The following COG8 variants were observed in gnomAD, a reference collection of about 807,000 sequenced individuals.
The protein encoded by COG8 is conserved oligomeric Golgi complex subunit 8.
Under a neutral mutation model 46.5 loss-of-function variants are expected in COG8, and 45 were observed. The observed-to-expected ratio is 0.97, with a 90% CI of 0.76 to 1.24. The LOEUF (loss-of-function observed/expected upper bound fraction) is 1.24. Among genes scored for constraint, COG8 ranks in the 50% most tolerant of loss-of-function variants. COG8 has a pLI of 0.00. For missense variants in COG8, 793 were observed against 820.8 expected, an observed-to-expected ratio of 0.97 and a Z score of 0.41; for synonymous variants, 407 against 347.8, an observed-to-expected ratio of 1.17 and a Z score of -1.90.
chr16:69,329,663 G>A (rs941765503), intron 5 of COG8, among the ~76,000 whole-genome samples: 1 of 152,262 alleles, frequency 6.6e-6, no homozygotes, highest in Non-Finnish European at 1.5e-5. Flanking sequence ...GGTCAGGCTG[G>A]CGGGGGCTAA....
Position 69,334,615 on chromosome 16 carries a change from T to C in COG8, c.1319A>G (p.Asn440Ser), listed in dbSNP as rs763537807. 2.2e-5 allele frequency: 36 copies of C among 1,614,026 alleles called. No homozygotes were observed. Among genetic ancestry groups the C allele is most frequent in the Non-Finnish European group, 3.1e-5 (36 of 1,180,032 alleles). The change falls in exon 3 of 6, where the codon AAC (asparagine) becomes AGC (serine). Residue 440 changes from asparagine to serine, a missense_variant. By Grantham distance (46) the Asn-to-Ser change is conservative (BLOSUM62 1). Transcript: ENST00000306875. The stretch of plus-strand genomic sequence containing the variant: ...ATCATTGAAGGCAACCAGAATATTG[T>C]TGAGAAAGCAGGCGAGGGGTGGGAA... ...LDFPPLACFL[N>S]NILVAFNDLR... is the part of the protein sequence containing the mutation.
chr16:69,334,273 G>T (rs570012811), intron 3 of COG8, among the ~76,000 whole-genome samples: 1 of 152,324 alleles, frequency 6.6e-6, no homozygotes, highest in East Asian at 1.9e-4. Context: ...GTGGAAATTT[G>T]TTATGCAGCA....
chr16:69,335,469 C>A, intron 2 of COG8, 121 bp from the exon 3 acceptor site: 1 of 864,218 alleles, frequency 1.2e-6, no homozygotes, highest in Non-Finnish European at 1.9e-6. Context: ...GAAGTAATTT[C>A]CTAAAGCTGA....
rs771765960 is a variant in COG8 at position 69,334,995 on chromosome 16, G to A, written c.939C>T (p.Ala313=). 3.1e-6 allele frequency: 5 copies of A among 1,614,076 alleles called. No individual in the cohort carries two copies. The highest frequency in any genetic ancestry group is 2.2e-5 in the East Asian group (1 of 44,896). ...AMGEHTVNES[A]IFHGWVLQKV... Reference sequence around the variant, plus strand: ...TCTGTAGCACCCAGCCATGGAAGATGGCACTCTCATTCACAGTGTGCTCAC... The same window carrying A: ...TCTGTAGCACCCAGCCATGGAAGATAGCACTCTCATTCACAGTGTGCTCAC... Residue 313 remains alanine, a synonymous_variant, in exon 3 of 6, where the codon GCC becomes GCT. Coordinates refer to ENST00000306875, the MANE Select transcript of COG8 (RefSeq NM_032382.5).
At chr16:69,333,874 T>A (rs1164992159) in intron 3 of COG8, among the ~76,000 whole-genome samples, 1 of 152,160 alleles carries the variant, frequency 6.6e-6, no homozygotes, top group African/African-American at 2.4e-5. Context: ...ATGCTAAAGG[T>A]AAAGGGTTTT....
chr16:69,333,943 G>A (rs1026232528), intron 3 of COG8, among the ~76,000 whole-genome samples: 1 of 152,194 alleles, frequency 6.6e-6, no homozygotes, highest in African/African-American at 2.4e-5. Flanking sequence ...TTTAAAAGGA[G>A]GTACCTAAAA....
rs1191485356 is a variant in COG8, at chr16:69,331,032, T to C, written c.1646A>G (p.Gln549Arg). Residue 549 changes from glutamine to arginine, a missense_variant, in exon 5 of 6, where the codon CAG (glutamine) becomes CGG (arginine). Gln to Arg is a conservative substitution (Grantham distance 43). Transcript: ENST00000306875. ...TGGCAGGATAAAGGCGAGGGGCTCC[T>C]GAATGGCGCCGATGTTCACATGCCC... ...NLGHVNIGAI[Q>R]EPLAFILPKR... 1 of 1,613,640 alleles carries C rather than the reference T, an allele frequency of 6.2e-7. No individual in the cohort carries two copies. Among genetic ancestry groups the C allele is most frequent in the Admixed American group, 1.7e-5 (1 of 59,944 alleles).
Position 69,339,458 on chromosome 16 carries a change from C to T in COG8, c.95G>A (p.Arg32Gln). The change falls in exon 1 of 6, where the codon CGG (arginine) becomes CAG (glutamine). Residue 32 changes from arginine (R) to glutamine (Q), a missense_variant. Arg to Gln is a conservative substitution (Grantham distance 43). Transcript: ENST00000306875. ...EDEGLLASLF[R>Q]DRFPEAQWRE... The stretch of plus-strand genomic sequence containing the variant: ...CCACTGGGCCTCGGGGAAGCGGTCC[C>T]GGAACAGCGACGCCAGGAGCCCTTC... 4 of 1,597,856 alleles carry T rather than the reference C, an allele frequency of 2.5e-6. No homozygotes were observed. The highest frequency in any genetic ancestry group is 3.4e-6 in the Non-Finnish European group (4 of 1,177,442).
At chr16:69,329,276 A>T in intron 5 of COG8, 97 bp from the exon 6 acceptor site, 3 of 1,283,288 alleles carry the variant, frequency 2.3e-6, no homozygotes, top group Non-Finnish European at 3.1e-6. Context: ...GTTCCCATTG[A>T]CAAGAGGCAA....
At chr16:69,333,786 T>G (rs1055833689) in intron 3 of COG8, among the ~76,000 whole-genome samples, 2 of 152,184 alleles carry the variant, frequency 1.3e-5, no homozygotes, top group Non-Finnish European at 2.9e-5. Context: ...TCCAGGAGTT[T>G]GAGACCAGCC....
Position 69,328,800 on chromosome 16 carries a change from G to T in COG8, c.*406C>A. On this transcript the variant is annotated 3_prime_UTR_variant, in exon 6 of 6. Coordinates refer to ENST00000306875, the MANE Select transcript of COG8 (RefSeq NM_032382.5). Reference sequence around the variant, plus strand: ...TTGTTAGGAAATGTCCACTCCTTTGGGGGTGATTTTTCTCCTCAAGTTGTA... The same window carrying T: ...TTGTTAGGAAATGTCCACTCCTTTGTGGGTGATTTTTCTCCTCAAGTTGTA... 3.5e-6 allele frequency: 2 copies of T among 568,758 alleles called. No individual in the cohort carries two copies. Among genetic ancestry groups the T allele is most frequent in the East Asian group, 3.3e-5 (1 of 29,956 alleles). The allele number at this position is 568,758 out of a possible 1,614,324, so 35.2% of individuals were successfully genotyped here.
chr16:69,334,985 C>T lies in COG8; in HGVS notation c.949G>A (p.Gly317Ser), dbSNP rs778681318. ...HTVNESAIFHGWVLQKVSQFL... is the reference protein window; with the variant it reads ...HTVNESAIFHSWVLQKVSQFL... The stretch of plus-strand genomic sequence containing the variant: ...TGTGAGACCTTCTGTAGCACCCAGC[C>T]ATGGAAGATGGCACTCTCATTCACA... Residue 317 changes from glycine (G) to serine (S), a missense_variant, in exon 3 of 6, where the codon GGC (glycine) becomes AGC (serine). Coordinates refer to ENST00000306875, the MANE Select transcript of COG8 (RefSeq NM_032382.5). The T allele has an allele frequency of 4.3e-6, 7 of 1,614,170 alleles. No individual in the cohort carries two copies. Among genetic ancestry groups the T allele is most frequent in the South Asian group, 2.2e-5 (2 of 91,080 alleles).
chr16:69,337,734 C>CT (rs879881954), intron 1 of COG8, among the ~76,000 whole-genome samples: 38,187 of 142,590 alleles, frequency 0.27, 5,317 homozygotes, highest in African/African-American at 0.34. Flanking sequence ...TCACAAAGGA[C>CT]TTTTTTTTTT....
chr16:69,329,840 G>C (rs959566620), intron 5 of COG8, among the ~76,000 whole-genome samples: 4 of 152,364 alleles, frequency 2.6e-5, no homozygotes, highest in African/African-American at 9.6e-5. Context: ...TACCCCACAG[G>C]AGCTTCTATC....
At chr16:69,335,652 C>T (rs1389508981) in intron 2 of COG8, among the ~76,000 whole-genome samples, 1 of 151,914 alleles carries the variant, frequency 6.6e-6, no homozygotes, top group Non-Finnish European at 1.5e-5. Context: ...CTCGTCTCTA[C>T]TAAAAATATA....
chr16:69,330,954 G>C lies in COG8; in HGVS notation c.1724C>G (p.Thr575Arg), dbSNP rs201914539. ...LDDQALGPEL[T>R]APAPEPPAEE... ...GGCGGGAGGCTCTGGTGCTGGAGCT[G>C]TGAGCTCGGGCCCCAGCGCCTGGTC... The change falls in exon 5 of 6, where the codon ACA becomes AGA. Residue 575 changes from threonine (T) to arginine (R), a missense_variant. Coordinates refer to ENST00000306875, the MANE Select transcript of COG8 (RefSeq NM_032382.5). 2.5e-6 allele frequency: 4 copies of C among 1,575,086 alleles called. No individual in the cohort carries two copies. The South Asian group carries it at 3.5e-5, about 14-fold the overall frequency.
At position 69,330,949 on chromosome 16, in the gene COG8, G is replaced by C. The variant is rs765705472; in HGVS notation, c.1729C>G (p.Pro577Ala). 3.7e-5 allele frequency: 58 copies of C among 1,569,450 alleles called. No individual in the cohort carries two copies. The highest frequency in any genetic ancestry group is 4.8e-5 in the Non-Finnish European group (56 of 1,157,932). The change falls in exon 5 of 6, where the codon CCA (proline) becomes GCA (alanine). Residue 577 changes from proline to alanine, a missense_variant. Physicochemically the swap from Pro to Ala is conservative, Grantham distance 27. Transcript: ENST00000306875. Reference sequence around the variant, plus strand: ...TCCTCGGCGGGAGGCTCTGGTGCTGGAGCTGTGAGCTCGGGCCCCAGCGCC... The same window carrying C: ...TCCTCGGCGGGAGGCTCTGGTGCTGCAGCTGTGAGCTCGGGCCCCAGCGCC... ...DQALGPELTAPAPEPPAEEPR... is the reference protein window; with the variant it reads ...DQALGPELTAAAPEPPAEEPR...
In COG8 at chr16:69,328,862, A is replaced by C. The variant is rs1441912339; in HGVS notation, c.*344T>G. 1 of 967,920 alleles carries C rather than the reference A, an allele frequency of 1.0e-6. No individual in the cohort carries two copies. Among genetic ancestry groups the C allele is most frequent in the Non-Finnish European group, 1.5e-6 (1 of 667,514 alleles). 60.0% of individuals were successfully genotyped at this position (967,920 alleles called of 1,614,324 possible). Reference sequence around the variant, plus strand: ...GTCCGTAACTGATTTCAGGGCAAACATTTCTGACATCTTCCTCCAGCTCAG... The same window carrying C: ...GTCCGTAACTGATTTCAGGGCAAACCTTTCTGACATCTTCCTCCAGCTCAG... On this transcript the variant is annotated 3_prime_UTR_variant, in exon 6 of 6. Transcript: ENST00000306875.
Position 69,327,160 on chromosome 16 carries a change from C to CTTTTTTTTTTTTTTT in COG8, c.*2031_*2045dup, listed in dbSNP as rs1169149930. 1.1e-5 allele frequency: 1 copy of CTTTTTTTTTTTTTTT among 91,588 alleles called. No individual in the cohort carries two copies. The highest frequency in any genetic ancestry group is 2.1e-5 in the Non-Finnish European group (1 of 48,632). The allele number at this position is 91,588 out of a possible 1,614,324, so 5.7% of individuals were successfully genotyped here. A position where few individuals can be genotyped will look rare whatever the true frequency, so the allele number is the denominator to read the frequency against. On this transcript the variant is annotated 3_prime_UTR_variant, in exon 6 of 6. Coordinates refer to ENST00000306875, the MANE Select transcript of COG8 (RefSeq NM_032382.5). ...TGCACCAGTATCTGGTTGGGATTCC[C>CTTTTTTTTTTTTTTT]TTTTTTTTTTTTTTTTTTTTTTTTT...
Sources: allele counts gnomAD v4.1 joint callset (sites outside exome capture counted in the v4.1 genomes callset), GRCh38; gene constraint gnomAD v4.1.1; transcripts MANE v1.5; gene names NCBI Gene and HGNC (gene_info 2026-07-23, HGNC 2026-07-21).